The following TMEM132D variants were observed in gnomAD, a reference collection of about 807,000 sequenced individuals.
The protein encoded by TMEM132D is transmembrane protein 132D, also known as mature OL transmembrane protein.
In TMEM132D, 21 loss-of-function variants were observed where a neutral mutation model predicts 62.3. The observed-to-expected ratio is 0.34, with a 90% confidence interval of 0.24 to 0.49. TMEM132D has a LOEUF of 0.49. TMEM132D is among the 20% of genes least tolerant of loss of function. The pLI is 0.99. For missense variants in TMEM132D, 1,346 were observed against 1,402.8 expected (o/e 0.96, Z 0.65); for synonymous variants, 621 against 575.6 (o/e 1.08, Z -1.13).
rs1040732899 is a variant in TMEM132D at position 129,337,932 on chromosome 12, C to G, written c.1116-115G>C. ...CTATGTACCTCCACATGGAACCAAG[C>G]GCACACATCTCTGCAAAGAGCATTC... is the stretch of plus-strand genomic sequence containing the variant. On this transcript the variant is annotated intron_variant, in intron 3 of 8. Transcript: ENST00000422113. The G allele has an allele frequency of 4.6e-5, 49 of 1,061,866 alleles. No individual in the cohort carries two copies. In the Middle Eastern group the frequency reaches 9.2e-4, roughly 20 times the overall value. The allele number at this position is 1,061,866 out of a possible 1,614,324, so 65.8% of individuals were successfully genotyped here.
rs186940947 is a variant in TMEM132D, at chr12:129,073,578, G to A, written c.*297C>T. On this transcript the variant is annotated 3_prime_UTR_variant, in exon 9 of 9. Transcript: ENST00000422113. ...TGCTTTGATTCGAGAGAGAGAGGCT[G>A]TTCTTTCCTGGACGCTCTCAGACGC... The A allele has an allele frequency of 8.9e-3, 2,803 of 313,672 alleles. 67 individuals are homozygous for A. Among genetic ancestry groups the A allele is most frequent in the African/African-American group, 0.052 (2,440 of 46,762 alleles). The allele number at this position is 313,672 out of a possible 1,614,324, so 19.4% of individuals were successfully genotyped here.
intron 2 of TMEM132D, among the ~76,000 whole-genome samples, chr12:129,584,036 C>T (rs1374665498): frequency 2.6e-5 from 4 of 152,018 alleles, no homozygotes; most frequent in Non-Finnish European, 5.9e-5. Flanking sequence ...GTTAAACATG[C>T]CTCAAAAGTT....
chr12:129,879,325 C>T (rs1387968948), intron 1 of TMEM132D, among the ~76,000 whole-genome samples: 2 of 152,176 alleles, frequency 1.3e-5, no homozygotes, highest in African/African-American at 4.8e-5. Flanking sequence ...TCTGGGTCTG[C>T]TGGCTGAAAA....
At chr12:129,136,209 TA>T (rs573575216) in intron 5 of TMEM132D, among the ~76,000 whole-genome samples, 12 of 152,324 alleles carry the variant, frequency 7.9e-5, no homozygotes, top group Admixed American at 7.8e-4. Flanking sequence ...AGTTCCTATA[TA>T]ACCTCTACTC....
intron 3 of TMEM132D, among the ~76,000 whole-genome samples, chr12:129,485,137 C>A (rs1315930172): frequency 6.6e-6 from 1 of 152,152 alleles, no homozygotes; most frequent in Non-Finnish European, 1.5e-5. Flanking sequence ...GGGAGGCAAA[C>A]ACATATACGT....
intron 2 of TMEM132D, among the ~76,000 whole-genome samples, chr12:129,696,771 T>C (rs1192002891): frequency 6.6e-6 from 1 of 152,120 alleles, no homozygotes; most frequent in East Asian, 1.9e-4. Flanking sequence ...GAAGAAAAGG[T>C]TCCAGTGCTG....
intron 3 of TMEM132D, among the ~76,000 whole-genome samples, chr12:129,362,173 G>A (rs543908919): frequency 3.3e-5 from 5 of 152,094 alleles, no homozygotes; most frequent in East Asian, 1.9e-4. Flanking sequence ...TCTAAAGATC[G>A]GTTCCCAATC....
chr12:129,337,441 G>GCGCACACACACACA (rs56091765), intron 4 of TMEM132D, among the ~76,000 whole-genome samples, 193 bp downstream of exon 4: 10 of 148,228 alleles, frequency 6.7e-5, no homozygotes, highest in Middle Eastern at 6.8e-3. Flanking sequence ...ATACACACAC[G>GCGCACACACACACA]CACACACACA....
chr12:129,842,717 C>T (rs1250424160), intron 1 of TMEM132D, among the ~76,000 whole-genome samples: 2 of 152,094 alleles, frequency 1.3e-5, no homozygotes, highest in East Asian at 3.9e-4. Flanking sequence ...GATCCTCCAG[C>T]CTTGACCTCC....
chr12:129,516,730 C>T (rs1875694795), intron 3 of TMEM132D, among the ~76,000 whole-genome samples: 1 of 152,186 alleles, frequency 6.6e-6, no homozygotes, highest in Non-Finnish European at 1.5e-5. Context: ...GATGTACTAA[C>T]TTCTGATGGC....
Position 129,425,494 on chromosome 12 carries a change from G to A in TMEM132D, c.1116-87677C>T, listed in dbSNP as rs114356109. 7.6e-3 allele frequency among the ~76,000 whole-genome samples: 1,156 copies of A among 151,484 alleles called. 13 individuals are homozygous for A. Among genetic ancestry groups the A allele is most frequent in the African/African-American group, 0.026 (1,090 of 41,242 alleles). On this transcript the variant is annotated intron_variant, in intron 3 of 8. Coordinates refer to ENST00000422113, the MANE Select transcript of TMEM132D (RefSeq NM_133448.3). Reference sequence around the variant, plus strand: ...TGACTTTACGTTAATTGACATGACTGGCTTAATGTTCTTTGCAAAACATCT... The same window carrying A: ...TGACTTTACGTTAATTGACATGACTAGCTTAATGTTCTTTGCAAAACATCT...
intron 5 of TMEM132D, among the ~76,000 whole-genome samples, chr12:129,207,626 TG>T (rs1256805922): frequency 1.3e-5 from 2 of 152,142 alleles, no homozygotes; most frequent in Admixed American, 6.5e-5. Flanking sequence ...GTCTCCAGTG[TG>T]GCCAGAGTGG....
intron 2 of TMEM132D, among the ~76,000 whole-genome samples, chr12:129,692,492 A>G (rs997725290): frequency 6.6e-6 from 1 of 152,212 alleles, no homozygotes; most frequent in Non-Finnish European, 1.5e-5. Context: ...TTCTGGGTAT[A>G]TACCCAAAGG....
At chr12:129,850,940 G>T (rs376425757) in intron 1 of TMEM132D, among the ~76,000 whole-genome samples, 2 of 152,186 alleles carry the variant, frequency 1.3e-5, no homozygotes, top group Non-Finnish European at 2.9e-5. Context: ...TTTTTTATTG[G>T]TTCCAGCAGA....
At chr12:129,076,098 T>C (rs1397260122) in intron 8 of TMEM132D, among the ~76,000 whole-genome samples, 1 of 152,024 alleles carries the variant, frequency 6.6e-6, no homozygotes, top group East Asian at 1.9e-4. Context: ...TTACTCTCTC[T>C]CTCTCGAACT....
intron 2 of TMEM132D, among the ~76,000 whole-genome samples, chr12:129,538,566 A>G (rs1876476636): frequency 6.6e-6 from 1 of 152,178 alleles, no homozygotes; most frequent in African/African-American, 2.4e-5. Flanking sequence ...TTTTTTTTCT[A>G]CACATACCTA....
At chr12:129,245,146 G>A (rs1188249761) in intron 4 of TMEM132D, among the ~76,000 whole-genome samples, 1 of 152,144 alleles carries the variant, frequency 6.6e-6, no homozygotes, top group African/African-American at 2.4e-5. Flanking sequence ...ATAGTATCAT[G>A]TATCCATCAT....
rs376593273 is a variant in TMEM132D at position 129,903,770 on chromosome 12, C to G, written c.-431G>C. 5.1e-3 allele frequency: 764 copies of G among 149,584 alleles called. 16 individuals are homozygous for G. In the East Asian group the frequency reaches 0.057, roughly 11 times the overall value. 9.3% of individuals were successfully genotyped at this position (149,584 alleles called of 1,614,324 possible). A position where few individuals can be genotyped will look rare whatever the true frequency, so the allele number is the denominator to read the frequency against. ...GCTGGCGCAGGCGGCGCCGGGGTGG[C>G]GGGGCTGCGGAGCCCGGGACGCGGG... On this transcript the variant is annotated 5_prime_UTR_variant, in exon 1 of 9. Transcript: ENST00000422113. The surrounding 1 kb of genome is among the most constrained non-coding windows in gnomAD (Gnocchi z 6.2).
chr12:129,861,181 A>C (rs1385730165), intron 1 of TMEM132D, among the ~76,000 whole-genome samples: 1 of 152,222 alleles, frequency 6.6e-6, no homozygotes, highest in Non-Finnish European at 1.5e-5. Context: ...TGCAGAGTTG[A>C]AACCACTTTT....
Sources: allele counts gnomAD v4.1 joint callset (sites outside exome capture counted in the v4.1 genomes callset), GRCh38; gene constraint gnomAD v4.1.1; non-coding constraint Gnocchi (gnomAD v3.1); transcripts MANE v1.5; gene names NCBI Gene and HGNC (gene_info 2026-07-23, HGNC 2026-07-21).